NAALADL2: variants seen among roughly 807,000 people sequenced by gnomAD.
NAALADL2 encodes the protein inactive N-acetylated-alpha-linked acidic dipeptidase-like protein 2.
Under a neutral mutation model 87.2 loss-of-function variants are expected in NAALADL2, and 76 were observed. That is an observed-to-expected ratio of 0.87 (90% CI 0.72 to 1.05). NAALADL2 has a LOEUF of 1.05. Ranked by LOEUF, NAALADL2 falls within the 50% of genes least tolerant of loss-of-function variation. The pLI is 0.00. For synonymous variants in NAALADL2, 354 were observed against 331.0 expected (o/e 1.07, Z -0.75); for missense variants, 1,089 against 945.8 (o/e 1.15, Z -1.99).
chr3:175,546,640 A>C (rs1713383880), intron 9 of NAALADL2, among the ~76,000 whole-genome samples: 1 of 152,072 alleles, frequency 6.6e-6, no homozygotes. Context: ...TCCTTTGCTT[A>C]TGAAGCTTAG....
chr3:175,152,672 G>A (rs901217776), intron 2 of NAALADL2, among the ~76,000 whole-genome samples: 3 of 152,100 alleles, frequency 2.0e-5, no homozygotes, highest in Non-Finnish European at 4.4e-5. Flanking sequence ...TTGGGATGTC[G>A]AGGCAGGTGA....
At chr3:174,968,245 T>C (rs1461617451) in intron 1 of NAALADL2, among the ~76,000 whole-genome samples, 2 of 152,202 alleles carry the variant, frequency 1.3e-5, no homozygotes, top group East Asian at 3.9e-4. Context: ...GCTACCAGTA[T>C]AGTAATTGAA....
At position 175,582,387 on chromosome 3, in the gene NAALADL2, G is replaced by C. The variant is rs77380703; in HGVS notation, c.1800+6200G>C. ...CTAAATAAGAATATTTATTCTAAAT[G>C]ACTATATCATTGGATCAAAATATAT... On this transcript the variant is annotated intron_variant, in intron 10 of 13. Coordinates refer to ENST00000454872, the MANE Select transcript of NAALADL2 (RefSeq NM_207015.3). Among the ~76,000 whole-genome samples, 1,384 of 152,236 alleles carry C rather than the reference G, an allele frequency of 9.1e-3. 31 individuals carry two copies. Among genetic ancestry groups the C allele is most frequent in the African/African-American group, 0.032 (1,323 of 41,548 alleles).
chr3:175,444,206 G>A (rs1226226590), intron 5 of NAALADL2, among the ~76,000 whole-genome samples: 4 of 152,092 alleles, frequency 2.6e-5, no homozygotes, highest in Non-Finnish European at 5.9e-5. Flanking sequence ...AGAAGTTTCC[G>A]CAATCATGAA....
At chr3:174,838,792 G>A (rs1723668690) in intron 3 of NAALADL2, among the ~76,000 whole-genome samples, 1 of 152,104 alleles carries the variant, frequency 6.6e-6, no homozygotes, top group South Asian at 2.1e-4. Context: ...CCTAACCAAG[G>A]AGGTGAAAAA....
intron 11 of NAALADL2, among the ~76,000 whole-genome samples, chr3:175,694,293 C>A (rs1418607801): frequency 6.6e-6 from 1 of 152,090 alleles, no homozygotes; most frequent in Non-Finnish European, 1.5e-5. Context: ...TTAAGTTAAT[C>A]CTCTTGCAGA....
chr3:175,688,361 ATATTGTGGAATCTTATGACCACATAT>A (rs1736596910), intron 11 of NAALADL2, among the ~76,000 whole-genome samples: 1 of 152,222 alleles, frequency 6.6e-6, no homozygotes, highest in African/African-American at 2.4e-5. Flanking sequence ...TTATTGAATA[ATATTGTGGAATCTTATGACCACATAT>A]TATCAGGAGC....
At chr3:174,793,911 C>G (rs552917969) in intron 3 of NAALADL2, among the ~76,000 whole-genome samples, 1 of 151,652 alleles carries the variant, frequency 6.6e-6, no homozygotes, top group Non-Finnish European at 1.5e-5. Flanking sequence ...GATACAGTTG[C>G]GACCATTCAG....
intron 1 of NAALADL2, among the ~76,000 whole-genome samples, chr3:175,080,005 A>G (rs1036533003): frequency 1.3e-5 from 2 of 148,752 alleles, no homozygotes; most frequent in African/African-American, 5.2e-5. Flanking sequence ...TCTCTTTGTC[A>G]CCCAGGCTAG....
chr3:175,370,120 T>C (rs112493519), intron 5 of NAALADL2, among the ~76,000 whole-genome samples: 16,487 of 152,132 alleles, frequency 0.11, 1,183 homozygotes, highest in Non-Finnish European at 0.16. Flanking sequence ...ATTATTTCAA[T>C]ATCCAGTCAT....
intron 1 of NAALADL2, among the ~76,000 whole-genome samples, chr3:174,985,949 T>C (rs1385913276): frequency 1.3e-5 from 2 of 151,596 alleles, no homozygotes; most frequent in African/African-American, 4.9e-5. Context: ...CGAAACTCCG[T>C]CTCAAAAAAA....
intron 9 of NAALADL2, among the ~76,000 whole-genome samples, chr3:175,563,610 T>C (rs1716638728): frequency 6.6e-6 from 1 of 152,192 alleles, no homozygotes; most frequent in Non-Finnish European, 1.5e-5. Context: ...ACAAACTCTT[T>C]TAAGTATCTA....
chr3:175,084,938 G>A (rs530758322), intron 1 of NAALADL2, among the ~76,000 whole-genome samples: 1 of 152,288 alleles, frequency 6.6e-6, no homozygotes, highest in South Asian at 2.1e-4. Flanking sequence ...ATGTTTGTAT[G>A]AATGTGTGAG....
chr3:175,149,224 A>G (rs1303945465), intron 2 of NAALADL2, among the ~76,000 whole-genome samples: 1 of 152,126 alleles, frequency 6.6e-6, no homozygotes, highest in Non-Finnish European at 1.5e-5. Flanking sequence ...GGATAAACAA[A>G]CCTGTTTTAA....
chr3:175,306,465 T>C (rs966271643), intron 4 of NAALADL2, among the ~76,000 whole-genome samples: 1 of 152,160 alleles, frequency 6.6e-6, no homozygotes, highest in African/African-American at 2.4e-5. Context: ...AAAGAATCCA[T>C]ACTCATTTTG....
intron 3 of NAALADL2, among the ~76,000 whole-genome samples, chr3:174,828,033 T>C (rs1722193634): frequency 6.6e-6 from 1 of 152,068 alleles, no homozygotes; most frequent in Non-Finnish European, 1.5e-5. Context: ...AAGTTAAAAA[T>C]TAGCCAGGCA....
chr3:175,521,769 A>C (rs1383932206), intron 9 of NAALADL2, among the ~76,000 whole-genome samples: 8 of 152,170 alleles, frequency 5.3e-5, no homozygotes, highest in Non-Finnish European at 5.9e-5. Flanking sequence ...AGCTAAAATG[A>C]GGCAAGGAAA....
At chr3:175,557,307 G>A (rs1056024425) in intron 9 of NAALADL2, among the ~76,000 whole-genome samples, 2 of 152,100 alleles carry the variant, frequency 1.3e-5, no homozygotes, top group Non-Finnish European at 2.9e-5. Context: ...GGTTACATGA[G>A]ATATTTTGAT....
rs373898206 is a variant in NAALADL2 at position 174,468,520 on chromosome 3, A to G, written c.-184+27488A>G. 1.6e-4 allele frequency among the ~76,000 whole-genome samples: 24 copies of G among 150,994 alleles called. 2 individuals are homozygous for G. The East Asian group carries it at 3.5e-3, about 22-fold the overall frequency. The stretch of plus-strand genomic sequence containing the variant: ...CCCAGCCTCCCAAGTAGCTGGGACT[A>G]CGGGCACCTGCCACCATGTCTGGCT... On this transcript the variant is annotated intron_variant, in intron 1 of 3. Coordinates refer to the NAALADL2 transcript ENST00000434257.
Sources: allele counts gnomAD v4.1 joint callset (sites outside exome capture counted in the v4.1 genomes callset), GRCh38; gene constraint gnomAD v4.1.1; transcripts MANE v1.5; gene names NCBI Gene and HGNC (gene_info 2026-07-23, HGNC 2026-07-21).